The following MAGEL2 variants were observed in gnomAD, a reference collection of about 807,000 sequenced individuals.
MAGEL2 encodes MAGE family member L2.
For missense variants in MAGEL2, 1,830 were observed against 1,699.2 expected, an observed-to-expected ratio of 1.08 and a Z score of -1.35; for synonymous variants, 792 against 721.7, an observed-to-expected ratio of 1.10 and a Z score of -1.56.
At position 23,646,482 on chromosome 15, in the gene MAGEL2, G is replaced by T; in HGVS notation, c.1261C>A (p.Pro421Thr). 7 of 1,444,354 alleles carry T rather than the reference G, an allele frequency of 4.8e-6. No individual in the cohort carries two copies. The highest frequency in any genetic ancestry group is 6.3e-6 in the Non-Finnish European group (7 of 1,106,362). The allele number at this position is 1,444,354 out of a possible 1,614,324, so 89.5% of individuals were successfully genotyped here. A position where few individuals can be genotyped will look rare whatever the true frequency, so the allele number is the denominator to read the frequency against. Residue 421 changes from proline to threonine, a missense_variant, in exon 1 of 1, where the codon CCA becomes ACA. Pro to Thr is a conservative substitution (Grantham distance 38). Transcript: ENST00000650528. This position sits in a 1 kb window ranked among gnomAD's most constrained non-coding sequence, Gnocchi z 4.2. ...QGPPPIRPGP[P>T]PIRPGPPPVR... ...GGTGGTGGGCCAGGGCGGATGGGTG[G>T]TGGGCCAGGGCGGATGGGCGGGGGC...
Position 23,647,617 on chromosome 15 carries a change from G to T in MAGEL2, c.126C>A (p.Val42=). The part of the protein sequence containing the change: ...APPASSRAPP[V]PWDPPPIDLQ... ...AGTCAATTGGAGGTGGATCCCAAGG[G>T]ACTGGCGGAGCCCGGGAGGAAGCGG... Residue 42 remains valine, a synonymous_variant, in exon 1 of 1, where the codon GTC becomes GTA. Coordinates refer to ENST00000650528, the MANE Select transcript of MAGEL2 (RefSeq NM_019066.5). 2.6e-6 allele frequency: 4 copies of T among 1,536,970 alleles called. No homozygotes were observed. The highest frequency in any genetic ancestry group is 3.5e-6 in the Non-Finnish European group (4 of 1,146,868).
rs1423747670 is a variant in MAGEL2 at position 23,646,355 on chromosome 15, GC to G, written c.1387del (p.Ala463LeufsTer2). 1.2e-5 allele frequency: 16 copies of G among 1,384,642 alleles called. No homozygotes were observed. The African/African-American group carries it at 1.4e-4, about 12-fold the overall frequency. The allele number at this position is 1,384,642 out of a possible 1,614,324, so 85.8% of individuals were successfully genotyped here. The part of the protein sequence containing the change: ...QAPPVIRQAP[A>X]VIRQAPPVIR... ...CACAGGTGGGGCCTGGCGGATCACA[GC>G]GGGGGCCTGGCGGATCACGGGTGGG... is the stretch of plus-strand genomic sequence containing the variant. On this transcript the variant is annotated frameshift_variant, in exon 1 of 1. Transcript: ENST00000650528. LOFTEE classifies it low-confidence loss of function (END_TRUNC). The surrounding 1 kb of genome is among the most constrained non-coding windows in gnomAD (Gnocchi z 4.2).
In MAGEL2 at chr15:23,644,104, T is replaced by C. The variant is rs1566783280; in HGVS notation, c.3639A>G (p.Pro1213=). 1.2e-6 allele frequency: 2 copies of C among 1,613,870 alleles called. No homozygotes were observed. The highest frequency in any genetic ancestry group is 1.7e-6 in the Non-Finnish European group (2 of 1,179,912). ...KLHKKDPQSW[P]FHYLEALAEC... ...CTGCGAGCGCTTCAAGGTAATGGAA[T>C]GGCCAGCTCTGTGGATCTTTCTTAT... Residue 1213 remains proline, a synonymous_variant, in exon 1 of 1, where the codon CCA becomes CCG. Coordinates refer to ENST00000650528, the MANE Select transcript of MAGEL2 (RefSeq NM_019066.5).
rs758018158 is a variant in MAGEL2 at position 23,646,852 on chromosome 15, C to T, written c.891G>A (p.Pro297=). The change falls in exon 1 of 1, where the codon CCG becomes CCA. Residue 297 remains proline, a synonymous_variant. Transcript: ENST00000650528. The surrounding 1 kb of genome is among the most constrained non-coding windows in gnomAD (Gnocchi z 4.2). Reference sequence around the variant, plus strand: ...CTCCTGAAGCTGGAGGCTGGGTCATCGGAGCTCTCGCACCTGGAGGATGAA... The same window carrying T: ...CTCCTGAAGCTGGAGGCTGGGTCATTGGAGCTCTCGCACCTGGAGGATGAA... ...LMIHPPGARA[P]MTQPPASGAP... The T allele has an allele frequency of 3.3e-6, 5 of 1,536,658 alleles. No individual in the cohort carries two copies. Among genetic ancestry groups the T allele is most frequent in the African/African-American group, 1.4e-5 (1 of 73,048 alleles).
Position 23,647,159 on chromosome 15 carries a change from G to T in MAGEL2, c.584C>A (p.Pro195Gln). 1 of 1,525,216 alleles carries T rather than the reference G, an allele frequency of 6.6e-7. No individual in the cohort carries two copies. The highest frequency in any genetic ancestry group is 8.8e-7 in the Non-Finnish European group (1 of 1,141,614). 94.5% of individuals were successfully genotyped at this position (1,525,216 alleles called of 1,614,324 possible). A position where few individuals can be genotyped will look rare whatever the true frequency, so the allele number is the denominator to read the frequency against. ...GGGAGGATGAGCCATCGGTGTCCCC[G>T]GAGGGGGAGGATGAGCCATCGGGGT... ...PGTPMAHPPP[P>Q]GTPMAHPPPP... Residue 195 changes from proline (P) to glutamine (Q), a missense_variant, in exon 1 of 1, where the codon CCG becomes CAG. By Grantham distance (76) the Pro-to-Gln change is moderately conservative (BLOSUM62 -1). Coordinates refer to ENST00000650528, the MANE Select transcript of MAGEL2 (RefSeq NM_019066.5).
chr15:23,646,879 C>A lies in MAGEL2; in HGVS notation c.864G>T (p.Met288Ile). 6.5e-6 allele frequency: 10 copies of A among 1,537,032 alleles called. No individual in the cohort carries two copies. The highest frequency in any genetic ancestry group is 8.7e-6 in the Non-Finnish European group (10 of 1,146,894). The change falls in exon 1 of 1, where the codon ATG becomes ATT. Residue 288 changes from methionine (M) to isoleucine (I), a missense_variant. Coordinates refer to ENST00000650528, the MANE Select transcript of MAGEL2 (RefSeq NM_019066.5). This position sits in a 1 kb window ranked among gnomAD's most constrained non-coding sequence, Gnocchi z 4.2. ...MAKPPGPGVLMIHPPGARAPM... is the reference protein window; with the variant it reads ...MAKPPGPGVLIIHPPGARAPM... The stretch of plus-strand genomic sequence containing the variant: ...GAGCTCTCGCACCTGGAGGATGAAT[C>A]ATCAGGACTCCTGGACCTGGAGGCT...
Position 23,645,033 on chromosome 15 carries a change from C to T in MAGEL2, c.2710G>A (p.Ala904Thr). ...AQEDSRGHTL[A>T]FHDWQGPRPW... is the part of the protein sequence containing the mutation. Reference sequence around the variant, plus strand: ...CTTGGGCCCTGCCAGTCATGAAAGGCTAGCGTGTGGCCACGGCTGTCCTCT... The same window carrying T: ...CTTGGGCCCTGCCAGTCATGAAAGGTTAGCGTGTGGCCACGGCTGTCCTCT... The change falls in exon 1 of 1, where the codon GCC becomes ACC. Residue 904 changes from alanine (A) to threonine (T), a missense_variant. Physicochemically the swap from Ala to Thr is moderately conservative, Grantham distance 58. Coordinates refer to ENST00000650528, the MANE Select transcript of MAGEL2 (RefSeq NM_019066.5). 1 of 1,613,994 alleles carries T rather than the reference C, an allele frequency of 6.2e-7. No individual in the cohort carries two copies. Among genetic ancestry groups the T allele is most frequent in the Non-Finnish European group, 8.5e-7 (1 of 1,179,902 alleles).
Position 23,646,615 on chromosome 15 carries a change from C to T in MAGEL2, c.1128G>A (p.Gln376=). Reference sequence around the variant, plus strand: ...TGGCCTGCCAGCCTTGCTGCGTGGCCTGCCATCCTGGCGAGGTCGCCTGCC... The same window carrying T: ...TGGCCTGCCAGCCTTGCTGCGTGGCTTGCCATCCTGGCGAGGTCGCCTGCC... ...PGWQATSPGW[Q]ATQQGWQATP... Residue 376 remains glutamine, a synonymous_variant, in exon 1 of 1, where the codon CAG becomes CAA. Transcript: ENST00000650528. This position sits in a 1 kb window ranked among gnomAD's most constrained non-coding sequence, Gnocchi z 4.2. 6.8e-7 allele frequency: 1 copy of T among 1,473,340 alleles called. No homozygotes were observed. Among genetic ancestry groups the T allele is most frequent in the Non-Finnish European group, 9.0e-7 (1 of 1,116,462 alleles). The allele number at this position is 1,473,340 out of a possible 1,614,324, so 91.3% of individuals were successfully genotyped here.
rs1236375007 is a variant in MAGEL2 at position 23,644,474 on chromosome 15, A to C, written c.3269T>G (p.Ile1090Ser). 6.2e-7 allele frequency: 1 copy of C among 1,613,932 alleles called. No individual in the cohort carries two copies. Among genetic ancestry groups the C allele is most frequent in the Non-Finnish European group, 8.5e-7 (1 of 1,179,888 alleles). Reference protein sequence around the residue: ...IDTKNHAYIIINKLGYHTGNL... With the variant: ...IDTKNHAYIISNKLGYHTGNL... ...CCCTGTATGGTAGCCCAGCTTGTTG[A>C]TGATAATATAGGCGTGGTTTTTGGT... is the stretch of plus-strand genomic sequence containing the variant. The change falls in exon 1 of 1, where the codon ATC becomes AGC. Residue 1090 changes from isoleucine to serine, a missense_variant. By Grantham distance (142) the Ile-to-Ser change is moderately radical. Transcript: ENST00000650528.
chr15:23,643,886 G>A lies in MAGEL2; in HGVS notation c.*107C>T, dbSNP rs9785. The A allele has an allele frequency of 2.3e-6, 3 of 1,278,730 alleles. No individual in the cohort carries two copies. Among genetic ancestry groups the A allele is most frequent in the Non-Finnish European group, 3.1e-6 (3 of 965,684 alleles). The allele number at this position is 1,278,730 out of a possible 1,614,324, so 79.2% of individuals were successfully genotyped here. A position where few individuals can be genotyped will look rare whatever the true frequency, so the allele number is the denominator to read the frequency against. ...ACGAAACCAAGTTGAAAATCCAAAC[G>A]TACACTCGTGGAACTGGAACACAAA... is the stretch of plus-strand genomic sequence containing the variant. On this transcript the variant is annotated 3_prime_UTR_variant, in exon 1 of 1. Transcript: ENST00000650528.
In MAGEL2 at chr15:23,645,784, C is replaced by A; in HGVS notation, c.1959G>T (p.Pro653=). Residue 653 remains proline (P), a synonymous_variant, in exon 1 of 1, where the codon CCG becomes CCT. Transcript: ENST00000650528. ...GGATTTGCACGGCTTTTTGGGAGGGCGGGGCTCCCTGAAAGGGCTGCTCCA... is the reference window on the plus strand; with the variant it reads ...GGATTTGCACGGCTTTTTGGGAGGGAGGGGCTCCCTGAAAGGGCTGCTCCA... ...VQLEQPFQGA[P]PSQKAVQIQL... The A allele has an allele frequency of 6.3e-7, 1 of 1,588,166 alleles. No individual in the cohort carries two copies. The highest frequency in any genetic ancestry group is 8.6e-7 in the Non-Finnish European group (1 of 1,168,884).
In MAGEL2 at chr15:23,646,841, G is replaced by A. The variant is rs1890419289; in HGVS notation, c.902C>T (p.Pro301Leu). ...TGCCATCGGTGCTCCTGAAGCTGGAGGCTGGGTCATCGGAGCTCTCGCACC... is the reference window on the plus strand; with the variant it reads ...TGCCATCGGTGCTCCTGAAGCTGGAAGCTGGGTCATCGGAGCTCTCGCACC... ...PPGARAPMTQ[P>L]PASGAPMAQP... The change falls in exon 1 of 1, where the codon CCT (proline) becomes CTT (leucine). Residue 301 changes from proline to leucine, a missense_variant. Transcript: ENST00000650528. The surrounding 1 kb of genome is among the most constrained non-coding windows in gnomAD (Gnocchi z 4.2). The A allele has an allele frequency of 2.0e-6, 3 of 1,536,654 alleles. No individual in the cohort carries two copies. The highest frequency in any genetic ancestry group is 4.9e-5 in the East Asian group (2 of 40,908).
rs748383107 is a variant in MAGEL2 at position 23,647,118 on chromosome 15, T to A, written c.625A>T (p.Met209Leu). The A allele has an allele frequency of 6.5e-7, 1 of 1,530,202 alleles. No homozygotes were observed. Among genetic ancestry groups the A allele is most frequent in the South Asian group, 1.2e-5 (1 of 82,806 alleles). 94.8% of individuals were successfully genotyped at this position (1,530,202 alleles called of 1,614,324 possible). The change falls in exon 1 of 1, where the codon ATG becomes TTG. Residue 209 changes from methionine (M) to leucine (L), a missense_variant. Transcript: ENST00000650528. ...GTCCCCGGAGGTGGAGGATGAGCCA[T>A]CGGTGTCCCCGGAGGGGGAGGATGA... is the stretch of plus-strand genomic sequence containing the variant. ...MAHPPPPGTP[M>L]AHPPPPGTPM...
Position 23,647,687 on chromosome 15 carries a change from T to C in MAGEL2, c.56A>G (p.Lys19Arg). ...CGTAGGGCGGCTATAGACAGGCGGC[T>C]TCGGGGCCTCCGCCGGAGGACTCGA... ...GDSSPPAEAP[K>R]PPVYSRPTVL... The change falls in exon 1 of 1, where the codon AAG (lysine) becomes AGG (arginine). Residue 19 changes from lysine (K) to arginine (R), a missense_variant. By Grantham distance (26) the Lys-to-Arg change is conservative. Coordinates refer to ENST00000650528, the MANE Select transcript of MAGEL2 (RefSeq NM_019066.5). 6.7e-7 allele frequency: 1 copy of C among 1,499,400 alleles called. No homozygotes were observed. The highest frequency in any genetic ancestry group is 8.8e-7 in the Non-Finnish European group (1 of 1,131,876). 92.9% of individuals were successfully genotyped at this position (1,499,400 alleles called of 1,614,324 possible).
chr15:23,646,238 GGTCGGATGGGCGGCGGCGCCT>G lies in MAGEL2; in HGVS notation c.1484_1504del (p.Gln495_Arg501del). The G allele has an allele frequency of 6.6e-6, 9 of 1,358,688 alleles. No homozygotes were observed. Among genetic ancestry groups the G allele is most frequent in the Non-Finnish European group, 8.4e-6 (9 of 1,065,346 alleles). 84.2% of individuals were successfully genotyped at this position (1,358,688 alleles called of 1,614,324 possible). A position where few individuals can be genotyped will look rare whatever the true frequency, so the allele number is the denominator to read the frequency against. ...CTGGGTGGCCAGGACCTGTGGGGCAGGTCGGATGGGCGGCGGCGCCTGGCGGATCAGCGGCGGGGCCTGGCG... is the reference window on the plus strand; with the variant it reads ...CTGGGTGGCCAGGACCTGTGGGGCAGGGCGGATCAGCGGCGGGGCCTGGCG... On this transcript the variant is annotated inframe_deletion, in exon 1 of 1. Coordinates refer to ENST00000650528, the MANE Select transcript of MAGEL2 (RefSeq NM_019066.5). The surrounding 1 kb of genome is among the most constrained non-coding windows in gnomAD (Gnocchi z 4.2).
chr15:23,646,491 G>A lies in MAGEL2; in HGVS notation c.1252C>T (p.Pro418Ser), dbSNP rs1890408326. Residue 418 changes from proline (P) to serine (S), a missense_variant, in exon 1 of 1, where the codon CCT (proline) becomes TCT (serine). By Grantham distance (74) the Pro-to-Ser change is moderately conservative. Transcript: ENST00000650528. The surrounding 1 kb of genome is among the most constrained non-coding windows in gnomAD (Gnocchi z 4.2). ...CCAGGGCGGATGGGTGGTGGGCCAG[G>A]GCGGATGGGCGGGGGCCCCTGGCGC... is the stretch of plus-strand genomic sequence containing the variant. ...PMRQGPPPIR[P>S]GPPPIRPGPP... 1 of 1,451,726 alleles carries A rather than the reference G, an allele frequency of 6.9e-7. No individual in the cohort carries two copies. The highest frequency in any genetic ancestry group is 9.0e-7 in the Non-Finnish European group (1 of 1,110,408). 89.9% of individuals were successfully genotyped at this position (1,451,726 alleles called of 1,614,324 possible).
In MAGEL2 at chr15:23,644,726, G is replaced by A. The variant is rs138628273; in HGVS notation, c.3017C>T (p.Thr1006Ile). 1.2e-6 allele frequency: 2 copies of A among 1,613,684 alleles called. No individual in the cohort carries two copies. Among genetic ancestry groups the A allele is most frequent in the African/African-American group, 1.3e-5 (1 of 74,916 alleles). ...TGCCTCCACCTTGGAATTATCCTGGGTGGCACTGGATCCCGGAGAGACACT... is the reference window on the plus strand; with the variant it reads ...TGCCTCCACCTTGGAATTATCCTGGATGGCACTGGATCCCGGAGAGACACT... ...VASVSPGSSA[T>I]QDNSKVEAQP... The change falls in exon 1 of 1, where the codon ACC (threonine) becomes ATC (isoleucine). Residue 1006 changes from threonine to isoleucine, a missense_variant. Physicochemically the swap from Thr to Ile is moderately conservative, Grantham distance 89. Transcript: ENST00000650528.
rs769569057 is a variant in MAGEL2 at position 23,645,001 on chromosome 15, C to G, written c.2742G>C (p.Trp914Cys). 1.2e-6 allele frequency: 2 copies of G among 1,613,902 alleles called. No individual in the cohort carries two copies. Residue 914 changes from tryptophan (W) to cysteine (C), a missense_variant, in exon 1 of 1, where the codon TGG (tryptophan) becomes TGC (cysteine). Trp to Cys is a radical substitution (Grantham distance 215, BLOSUM62 -2). Transcript: ENST00000650528. ...AFHDWQGPRP[W>C]ENLNLSDWEV... ...CCCAGTCACTCAGATTTAGATTCTC[C>G]CAGGGCCTTGGGCCCTGCCAGTCAT...
In MAGEL2 at chr15:23,647,533, G is replaced by A. The variant is rs34249110; in HGVS notation, c.210C>T (p.Gly70=). Residue 70 remains glycine (G), a synonymous_variant, in exon 1 of 1, where the codon GGC becomes GGT. Transcript: ENST00000650528. ...APQPAWEAPQ[G]QLPAPVVPMT... ...TCGGAACCACCGGGGCGGGCAGCTG[G>A]CCCTGTGGGGCCTCCCAGGCAGGCT... is the stretch of plus-strand genomic sequence containing the variant. 1 of 1,532,400 alleles carries A rather than the reference G, an allele frequency of 6.5e-7. No homozygotes were observed. The highest frequency in any genetic ancestry group is 1.2e-5 in the South Asian group (1 of 83,560). The allele number at this position is 1,532,400 out of a possible 1,614,324, so 94.9% of individuals were successfully genotyped here. A position where few individuals can be genotyped will look rare whatever the true frequency, so the allele number is the denominator to read the frequency against.
Sources: gnomAD v4.1 joint callset for allele counts on GRCh38, gnomAD v4.1.1 for gene constraint, Gnocchi (gnomAD v3.1) non-coding constraint, MANE v1.5 for transcripts, NCBI Gene and HGNC (gene_info 2026-07-23, HGNC 2026-07-21) for gene names.